Variants in FGFR3 observed in about 807,000 individuals in gnomAD.
The protein encoded by FGFR3 is FGFR-3.
In FGFR3, 25 loss-of-function variants were observed where a neutral mutation model predicts 82.9. The ratio of observed to expected loss-of-function variants is 0.30; its 90% CI spans 0.22 to 0.42. The LOEUF (loss-of-function observed/expected upper bound fraction) is 0.42, where lower values mean the gene tolerates loss of function less well. Ranked by LOEUF, FGFR3 falls within the 10% of genes least tolerant of loss-of-function variation. The probability of loss-of-function intolerance (pLI) is 1.00; values close to 1 mark genes in which losing one functional copy is unlikely to be tolerated. For synonymous variants in FGFR3, 620 were observed against 516.0 expected (o/e 1.20, Z -2.73); for missense variants, 1,026 against 1,161.0 (o/e 0.88, Z 1.69).
intron 7 of FGFR3, among the ~76,000 whole-genome samples, chr4:1,803,363 C>A (rs1004759260): frequency 2.0e-5 from 3 of 152,218 alleles, no homozygotes; most frequent in African/African-American, 2.4e-5. Flanking sequence ...CACCCCTGCC[C>A]GCTGCCTGCT....
chr4:1,807,679 C>A lies in FGFR3; in HGVS notation c.*417C>A, dbSNP rs200015882. ...GGTGGGCCTCGGCCCCTCCCACACCCAAAGCTGAGCCTGCAGGGAAGCCCC... is the reference window on the plus strand; with the variant it reads ...GGTGGGCCTCGGCCCCTCCCACACCAAAAGCTGAGCCTGCAGGGAAGCCCC... On this transcript the variant is annotated 3_prime_UTR_variant, in exon 18 of 18. Transcript: ENST00000440486. The A allele has an allele frequency of 1.6e-6, 1 of 622,208 alleles. No individual in the cohort carries two copies. Among genetic ancestry groups the A allele is most frequent in the East Asian group, 3.3e-5 (1 of 30,702 alleles). 38.5% of individuals were successfully genotyped at this position (622,208 alleles called of 1,614,324 possible).
intron 3 of FGFR3, 112 bp downstream of exon 3, chr4:1,799,635 G>T: frequency 6.4e-7 from 1 of 1,555,214 alleles, no homozygotes; most frequent in East Asian, 2.4e-5. Flanking sequence ...TGGAGAGGAG[G>T]GCACCCCCAG....
Position 1,807,202 on chromosome 4 carries a change from C to A in FGFR3, c.2361C>A (p.Ser787=), listed in dbSNP as rs754239704. 3 of 1,608,292 alleles carry A rather than the reference C, an allele frequency of 1.9e-6. No individual in the cohort carries two copies. Among genetic ancestry groups the A allele is most frequent in the East Asian group, 2.2e-5 (1 of 44,630 alleles). The change falls in exon 18 of 18, where the codon TCC becomes TCA. Residue 787 remains serine, a synonymous_variant. Coordinates refer to ENST00000440486, the MANE Select transcript of FGFR3 (RefSeq NM_000142.5). ...GCTCCAGCTCCTCAGGGGACGACTCCGTGTTTGCCCACGACCTGCTGCCCC... is the reference window on the plus strand; with the variant it reads ...GCTCCAGCTCCTCAGGGGACGACTCAGTGTTTGCCCACGACCTGCTGCCCC... The part of the protein sequence containing the change: ...TPSSSSSGDD[S]VFAHDLLPPA...
intron 2 of FGFR3, among the ~76,000 whole-genome samples, chr4:1,797,005 G>A (rs743683): frequency 7.9e-5 from 12 of 152,218 alleles, no homozygotes; most frequent in African/African-American, 2.9e-4. Flanking sequence ...TGGGGTTGGG[G>A]CGCCGGCAGG....
chr4:1,799,195 T>G (rs1720886175), intron 2 of FGFR3, 59 bp from the exon 3 acceptor site: 2 of 1,610,014 alleles, frequency 1.2e-6, no homozygotes. Flanking sequence ...CACTGCTGTG[T>G]CTGTAAACGG....
intron 7 of FGFR3, among the ~76,000 whole-genome samples, 166 bp from the exon 8 acceptor site, chr4:1,803,526 C>T (rs1721467677): frequency 6.6e-6 from 1 of 152,256 alleles, no homozygotes; most frequent in African/African-American, 2.4e-5. Context: ...ACCGGTGTAC[C>T]AGGCGGAGGG....
intron 4 of FGFR3, among the ~76,000 whole-genome samples, chr4:1,800,013 G>C (rs189009360): frequency 3.9e-5 from 6 of 152,302 alleles, no homozygotes; most frequent in Admixed American, 2.6e-4. Context: ...GGCAGGGCTG[G>C]GGTGCAAGGG....
intron 2 of FGFR3, among the ~76,000 whole-genome samples, chr4:1,798,962 T>G (rs1395063320): frequency 6.6e-6 from 1 of 152,254 alleles, no homozygotes; most frequent in Non-Finnish European, 1.5e-5. Flanking sequence ...ATTCTCCGTG[T>G]CCATGAGTGA....
intron 7 of FGFR3, among the ~76,000 whole-genome samples, chr4:1,803,432 C>A (rs554216493): frequency 6.6e-6 from 1 of 152,246 alleles, no homozygotes; most frequent in Admixed American, 6.5e-5. Context: ...CCCGGCTCTG[C>A]GCTAACCCGC....
intron 17 of FGFR3, 57 bp from the exon 18 acceptor site, chr4:1,807,059 G>T: frequency 6.4e-7 from 1 of 1,552,636 alleles, no homozygotes; most frequent in Non-Finnish European, 8.7e-7. Context: ...GGGCACAGAG[G>T]TGGCTGTGCG....
intron 7 of FGFR3, chr4:1,803,106 C>T (rs1214900068): frequency 7.3e-6 from 11 of 1,510,052 alleles, no homozygotes; most frequent in Admixed American, 2.2e-5. Context: ...AGAGCTCCAG[C>T]TCCAAGGCCC....
In FGFR3 at chr4:1,805,372, C is replaced by A. The variant is rs1721756715; in HGVS notation, c.1430C>A (p.Pro477His). ...LSRARLTLGK[P>H]LGEGCFGQVV... Reference sequence around the variant, plus strand: ...ACTGCCAGGCTGACCCTGGGCAAGCCCCTTGGGGAGGGCTGCTTCGGCCAG... The same window carrying A: ...ACTGCCAGGCTGACCCTGGGCAAGCACCTTGGGGAGGGCTGCTTCGGCCAG... Residue 477 changes from proline (P) to histidine (H), a missense_variant, in exon 11 of 18, where the codon CCC becomes CAC. Around this residue, in one of 9 missense-constraint regions of FGFR3, gnomAD observed 22 missense variants for 52.8 expected, o/e 0.42. Coordinates refer to ENST00000440486, the MANE Select transcript of FGFR3 (RefSeq NM_000142.5). 6.2e-7 allele frequency: 1 copy of A among 1,612,142 alleles called. No homozygotes were observed. The highest frequency in any genetic ancestry group is 1.3e-5 in the African/African-American group (1 of 74,916).
intron 2 of FGFR3, among the ~76,000 whole-genome samples, chr4:1,797,073 C>T (rs533393960): frequency 1.1e-4 from 17 of 152,298 alleles, no homozygotes; most frequent in African/African-American, 2.9e-4. Context: ...CCTCCTACCC[C>T]GCCTTGGGTA....
rs2305185 is a variant in FGFR3 at position 1,803,751 on chromosome 4, C to T, written c.990C>T (p.Thr330=). The T allele has an allele frequency of 9.8e-4, 1,589 of 1,614,086 alleles. 27 individuals are homozygous for T. The East Asian group carries it at 0.033, about 33-fold the overall frequency. Residue 330 remains threonine (T), a synonymous_variant, in exon 8 of 18, where the codon ACC becomes ACT. Transcript: ENST00000440486. ...ELEVLSLHNV[T]FEDAGEYTCL... ...AGGTTCTCTCCTTGCACAACGTCAC[C>T]TTTGAGGACGCCGGGGAGTACACCT...
In FGFR3 at chr4:1,798,356, C is replaced by G. The variant is rs3135861; in HGVS notation, c.110-898C>G. On this transcript the variant is annotated intron_variant, in intron 2 of 17. Coordinates refer to ENST00000440486, the MANE Select transcript of FGFR3 (RefSeq NM_000142.5). ...CCCTGCAGGCAGCAGGACTCCACCC[C>G]CCGGCCCCCTTGAGGGCCCGCCTGG... 9.4e-3 allele frequency among the ~76,000 whole-genome samples: 1,430 copies of G among 152,220 alleles called. 18 individuals are homozygous for G. The highest frequency in any genetic ancestry group is 0.032 in the African/African-American group (1,343 of 41,512).
At chr4:1,805,231 A>T (rs1014099815) in intron 10 of FGFR3, 124 bp from the exon 11 acceptor site, 5 of 1,537,162 alleles carry the variant, frequency 3.3e-6, no homozygotes, top group Non-Finnish European at 4.4e-6. Context: ...TAGGGGGAGC[A>T]TGGAGGGCTT....
Position 1,801,829 on chromosome 4 carries a change from C to T in FGFR3, c.740-6C>T, listed in dbSNP as rs1721226867. 3 of 1,604,820 alleles carry T rather than the reference C, an allele frequency of 1.9e-6. No homozygotes were observed. The highest frequency in any genetic ancestry group is 1.3e-5 in the African/African-American group (1 of 74,742). ...GGTGGCCCCTGAGCGTCATCTGCCC[C>T]CACAGAGCGCTCCCCGCACCGGCCC... On this transcript the variant is annotated splice_region_variant and splice_polypyrimidine_tract_variant and intron_variant, in intron 6 of 17. Transcript: ENST00000440486.
At chr4:1,805,269 G>GGGCTGGGCCA in intron 10 of FGFR3, 86 bp from the exon 11 acceptor site, 2 of 1,590,016 alleles carry the variant, frequency 1.3e-6, no homozygotes, top group East Asian at 2.2e-5. Context: ...TGGGCCTCAA[G>GGGCTGGGCCA]GGCTGGGCCA....
At chr4:1,793,654 G>A (rs1288316377) in intron 1 of FGFR3, among the ~76,000 whole-genome samples, 179 bp from the exon 2 acceptor site, 1 of 149,658 alleles carries the variant, frequency 6.7e-6, no homozygotes, top group Non-Finnish European at 1.5e-5. Context: ...GAGGGAAGGG[G>A]GAGGAGGGAG....
Sources: allele counts gnomAD v4.1 joint callset (sites outside exome capture counted in the v4.1 genomes callset), GRCh38; gene constraint gnomAD v4.1.1; regional missense constraint gnomAD v4.1.1; transcripts MANE v1.5; gene names NCBI Gene and HGNC (gene_info 2026-07-23, HGNC 2026-07-21).